The following EPHB1 variants were observed in gnomAD, a reference collection of about 807,000 sequenced individuals.
The protein encoded by EPHB1 is EPH receptor B1, also known as ephrin type-B receptor 1.
EPHB1 carries 30 observed loss-of-function variants against 94.4 expected under a neutral mutation model. That is an observed-to-expected ratio of 0.32 (90% CI 0.24 to 0.43). The LOEUF is 0.43. EPHB1 is among the 20% of genes least tolerant of loss of function. The pLI is 1.00. For missense variants in EPHB1, 1,055 were observed against 1,308.3 expected (o/e 0.81, Z 2.99); for synonymous variants, 522 against 489.1 (o/e 1.07, Z -0.89).
chr3:135,083,070 C>T (rs1388635658), intron 3 of EPHB1, among the ~76,000 whole-genome samples: 3 of 152,196 alleles, frequency 2.0e-5, no homozygotes, highest in African/African-American at 7.2e-5. Flanking sequence ...CAGCTGTGTT[C>T]ACCGGGAGCC....
rs988877393 is a variant in EPHB1 at position 134,795,362 on chromosome 3, C to CCT, written c.-260_-259dup. The stretch of plus-strand genomic sequence containing the variant: ...CTCTCCCAGGCTCGTTCTCCCTCGC[C>CCT]CTCTCTCTCTCACACACGCACGCAC... On this transcript the variant is annotated 5_prime_UTR_variant, in exon 1 of 16. Transcript: ENST00000398015. The CCT allele has an allele frequency of 6.0e-6, 3 of 502,186 alleles. No individual in the cohort carries two copies. The highest frequency in any genetic ancestry group is 5.6e-5 in the South Asian group (2 of 35,846). 31.1% of individuals were successfully genotyped at this position (502,186 alleles called of 1,614,324 possible). A position where few individuals can be genotyped will look rare whatever the true frequency, so the allele number is the denominator to read the frequency against.
intron 3 of EPHB1, among the ~76,000 whole-genome samples, chr3:135,096,151 T>A (rs1168872458): frequency 6.6e-6 from 1 of 152,226 alleles, no homozygotes; most frequent in Admixed American, 6.5e-5. Flanking sequence ...GTGGAAAACA[T>A]CTTGAGGATA....
At chr3:135,156,326 G>T (rs1486553471) in intron 6 of EPHB1, among the ~76,000 whole-genome samples, 1 of 152,092 alleles carries the variant, frequency 6.6e-6, no homozygotes. Flanking sequence ...GCCTGGGTGA[G>T]GTCTTGCAGT....
intron 3 of EPHB1, among the ~76,000 whole-genome samples, chr3:135,061,511 A>C (rs1219170475): frequency 6.6e-6 from 1 of 152,108 alleles, no homozygotes; most frequent in Non-Finnish European, 1.5e-5. Flanking sequence ...AATAGTCTCC[A>C]GTCTCATCTA....
chr3:134,932,369 C>T (rs1204520910), intron 2 of EPHB1, among the ~76,000 whole-genome samples: 4 of 152,198 alleles, frequency 2.6e-5, no homozygotes, highest in African/African-American at 9.6e-5. Context: ...AGCTGCCCAC[C>T]TCAAGTGACT....
chr3:135,218,971 C>T (rs1296434290), intron 12 of EPHB1, among the ~76,000 whole-genome samples: 1 of 152,162 alleles, frequency 6.6e-6, no homozygotes, highest in Non-Finnish European at 1.5e-5. Context: ...GAGCTGGACA[C>T]AGACTCTGCT....
At chr3:135,027,080 G>T in intron 3 of EPHB1, among the ~76,000 whole-genome samples, 1 of 146,258 alleles carries the variant, frequency 6.8e-6, no homozygotes, top group South Asian at 2.2e-4. Flanking sequence ...CTGAGACTTT[G>T]CTGAAGTTGC....
intron 3 of EPHB1, among the ~76,000 whole-genome samples, chr3:135,008,412 C>T (rs1438648981): frequency 1.3e-5 from 2 of 152,094 alleles, no homozygotes; most frequent in African/African-American, 2.4e-5. Flanking sequence ...GGGTTTAAAC[C>T]TAAACAGGCT....
At chr3:135,206,429 CTA>C (rs1269817034) in intron 12 of EPHB1, among the ~76,000 whole-genome samples, 25 of 152,038 alleles carry the variant, frequency 1.6e-4, no homozygotes, top group Non-Finnish European at 1.9e-4. Context: ...TTATATGAAA[CTA>C]TGTTTTGATT....
chr3:134,805,995 C>A (rs1021988580), intron 1 of EPHB1, among the ~76,000 whole-genome samples: 1 of 152,268 alleles, frequency 6.6e-6, no homozygotes, highest in East Asian at 1.9e-4. Context: ...ATCCCCAGCA[C>A]ATAGCACCCC....
intron 3 of EPHB1, among the ~76,000 whole-genome samples, chr3:135,099,321 ACGGATGGATG>A (rs1938940918): frequency 4.8e-5 from 1 of 20,804 alleles, no homozygotes; most frequent in African/African-American, 1.3e-4. Flanking sequence ...GGATGGATGG[ACGGATGGATG>A]GACGGATGGA....
At chr3:135,028,107 TTC>T (rs1220402576) in intron 3 of EPHB1, among the ~76,000 whole-genome samples, 1 of 144,640 alleles carries the variant, frequency 6.9e-6, no homozygotes, top group Non-Finnish European at 1.5e-5. Context: ...TATTTGATTC[TTC>T]TCTCTTTTTT....
intron 1 of EPHB1, among the ~76,000 whole-genome samples, chr3:134,910,713 G>T (rs1178582480): frequency 6.6e-6 from 1 of 152,184 alleles, no homozygotes; most frequent in Non-Finnish European, 1.5e-5. Flanking sequence ...CACTGGAGGG[G>T]CCTTGGGCAT....
At chr3:135,096,662 G>T (rs1030310722) in intron 3 of EPHB1, among the ~76,000 whole-genome samples, 1 of 152,224 alleles carries the variant, frequency 6.6e-6, no homozygotes, top group Non-Finnish European at 1.5e-5. Context: ...TTCCTGGTTT[G>T]CAGATGACCA....
At chr3:135,046,646 G>T (rs1317438902) in intron 3 of EPHB1, among the ~76,000 whole-genome samples, 1 of 152,164 alleles carries the variant, frequency 6.6e-6, no homozygotes, top group Non-Finnish European at 1.5e-5. Flanking sequence ...AAATTCCCCA[G>T]TCCCAGGCGA....
intron 9 of EPHB1, among the ~76,000 whole-genome samples, chr3:135,175,072 T>A (rs1271935662): frequency 6.6e-6 from 1 of 152,116 alleles, no homozygotes; most frequent in Non-Finnish European, 1.5e-5. Context: ...GATAGAAGCA[T>A]TCACTCCTCT....
intron 1 of EPHB1, among the ~76,000 whole-genome samples, chr3:134,915,141 C>A (rs1345026661): frequency 2.6e-5 from 4 of 152,154 alleles, no homozygotes; most frequent in African/African-American, 9.7e-5. Context: ...TTCCCAGTGT[C>A]CTAACCCTCT....
intron 3 of EPHB1, among the ~76,000 whole-genome samples, chr3:135,096,198 T>A (rs919326308): frequency 6.6e-6 from 1 of 152,224 alleles, no homozygotes; most frequent in African/African-American, 2.4e-5. Context: ...GAATTTTACA[T>A]GTATTACACT....
At chr3:134,984,460 G>A (rs1353575653) in intron 3 of EPHB1, among the ~76,000 whole-genome samples, 1 of 152,246 alleles carries the variant, frequency 6.6e-6, no homozygotes, top group African/African-American at 2.4e-5. Flanking sequence ...AAGCCAGGAT[G>A]TGGCTGGGAC....
Sources: allele counts gnomAD v4.1 joint callset (sites outside exome capture counted in the v4.1 genomes callset), GRCh38; gene constraint gnomAD v4.1.1; transcripts MANE v1.5; gene names NCBI Gene and HGNC (gene_info 2026-07-23, HGNC 2026-07-21).